CCN4: variants seen among roughly 807,000 people sequenced by gnomAD.
CCN4 encodes the protein CCN family member 4.
A neutral mutation model predicts 36.7 loss-of-function variants in CCN4; 30 were observed. The ratio of observed to expected loss-of-function variants is 0.82; its 90% CI spans 0.61 to 1.11. The LOEUF (loss-of-function observed/expected upper bound fraction) is 1.11, where lower values mean the gene tolerates loss of function less well. CCN4 is among the 50% of genes least tolerant of loss of function. The probability of loss-of-function intolerance (pLI) is 0.00; values close to 1 mark genes in which losing one functional copy is unlikely to be tolerated. For synonymous variants in CCN4, 191 were observed against 195.4 expected, an observed-to-expected ratio of 0.98 and a Z score of 0.19; for missense variants, 505 against 504.9, an observed-to-expected ratio of 1.00 and a Z score of 0.00.
intron 3 of CCN4, among the ~76,000 whole-genome samples, chr8:133,222,387 C>T (rs1854569095): frequency 6.6e-6 from 1 of 152,140 alleles, no homozygotes; most frequent in African/African-American, 2.4e-5. Flanking sequence ...CAAGGGAGAT[C>T]TACTCTGTTT....
At chr8:133,208,987 G>A (rs1238264100) in intron 1 of CCN4, among the ~76,000 whole-genome samples, 1 of 152,188 alleles carries the variant, frequency 6.6e-6, no homozygotes, top group Non-Finnish European at 1.5e-5. Flanking sequence ...TGTGTCTGTT[G>A]GCCTCACTAG....
At chr8:133,192,147 C>A (rs547224971) in intron 1 of CCN4, among the ~76,000 whole-genome samples, 1 of 152,168 alleles carries the variant, frequency 6.6e-6, no homozygotes, top group East Asian at 1.9e-4. Flanking sequence ...GGGGTGATGG[C>A]AAAAGAGTGT....
At chr8:133,220,500 C>T in intron 2 of CCN4, 81 bp from the exon 3 acceptor site, 1 of 1,557,790 alleles carries the variant, frequency 6.4e-7, no homozygotes, top group Non-Finnish European at 8.7e-7. Flanking sequence ...GGGCATGGTC[C>T]ACATGGAGCC....
chr8:133,206,632 G>C (rs1400784028), intron 1 of CCN4, among the ~76,000 whole-genome samples: 1 of 152,164 alleles, frequency 6.6e-6, no homozygotes, highest in South Asian at 2.1e-4. Context: ...GAGACAGAGA[G>C]AGAGACCCTA....
At position 133,225,420 on chromosome 8, in the gene CCN4, G is replaced by T; in HGVS notation, c.641G>T (p.Arg214Met). ...GTGGGTGAGGTGGAGGCATGGCACA[G>T]GAACTGCATAGCCTACACAAGCCCC... is the stretch of plus-strand genomic sequence containing the variant. ...DAVGEVEAWH[R>M]NCIAYTSPWS... Residue 214 changes from arginine to methionine, a missense_variant, in exon 4 of 5, where the codon AGG becomes ATG. By Grantham distance (91) the Arg-to-Met change is moderately conservative (BLOSUM62 -1). Coordinates refer to ENST00000250160, the MANE Select transcript of CCN4 (RefSeq NM_003882.4). 1 of 1,610,712 alleles carries T rather than the reference G, an allele frequency of 6.2e-7. No individual in the cohort carries two copies. The highest frequency in any genetic ancestry group is 8.5e-7 in the Non-Finnish European group (1 of 1,178,012).
chr8:133,211,375 G>A (rs1158929796), intron 1 of CCN4, among the ~76,000 whole-genome samples: 1 of 152,228 alleles, frequency 6.6e-6, no homozygotes, highest in Non-Finnish European at 1.5e-5. Context: ...GAGAGACTAT[G>A]AGCTAACTCT....
At chr8:133,212,621 C>A (rs13254146) in intron 1 of CCN4, among the ~76,000 whole-genome samples, 24,978 of 152,108 alleles carry the variant, frequency 0.16, 3,281 homozygotes, top group African/African-American at 0.34. Flanking sequence ...GGAATTTGGG[C>A]CCCACCGCTG....
At chr8:133,197,679 C>A (rs1853438411) in intron 1 of CCN4, among the ~76,000 whole-genome samples, 1 of 152,172 alleles carries the variant, frequency 6.6e-6, no homozygotes, top group African/African-American at 2.4e-5. Flanking sequence ...AGCCCGCCCA[C>A]CCCACCGTCT....
intron 2 of CCN4, 53 bp downstream of exon 2, chr8:133,213,196 G>C (rs1029703800): frequency 3.2e-6 from 5 of 1,554,106 alleles, no homozygotes; most frequent in Middle Eastern, 1.7e-4. Context: ...CCCAGCTCTG[G>C]CCCCAAACCC....
At chr8:133,197,052 G>A (rs1248735095) in intron 1 of CCN4, among the ~76,000 whole-genome samples, 1 of 152,088 alleles carries the variant, frequency 6.6e-6, no homozygotes, top group Admixed American at 6.5e-5. Context: ...ACACTTTTGG[G>A]TTATTGTGTA....
In CCN4 at chr8:133,191,129, C is replaced by T; in HGVS notation, c.-16C>T. On this transcript the variant is annotated 5_prime_UTR_variant, in exon 1 of 5. Transcript: ENST00000250160. The stretch of plus-strand genomic sequence containing the variant: ...CTGGGCTGCTCGGTCGATGCCTGTG[C>T]CACTGACGTCCAGGCATGAGGTGGT... 6.2e-7 allele frequency: 1 copy of T among 1,605,450 alleles called. No individual in the cohort carries two copies. The highest frequency in any genetic ancestry group is 8.5e-7 in the Non-Finnish European group (1 of 1,179,786).
chr8:133,201,932 AT>A (rs1794125349), intron 1 of CCN4, among the ~76,000 whole-genome samples: 1 of 152,234 alleles, frequency 6.6e-6, no homozygotes, highest in Admixed American at 6.5e-5. Flanking sequence ...GTTGATAATT[AT>A]CAAAGCTGCC....
chr8:133,204,465 G>T (rs760038084), intron 1 of CCN4, among the ~76,000 whole-genome samples: 6 of 152,068 alleles, frequency 3.9e-5, no homozygotes, highest in Non-Finnish European at 8.8e-5. Flanking sequence ...CTAAGGCAGT[G>T]GTTCCTATTT....
chr8:133,215,066 C>G (rs1431715959), intron 2 of CCN4, among the ~76,000 whole-genome samples: 1 of 152,218 alleles, frequency 6.6e-6, no homozygotes, highest in Non-Finnish European at 1.5e-5. Flanking sequence ...CTTCTCCCAT[C>G]TTTCTAATTT....
intron 1 of CCN4, among the ~76,000 whole-genome samples, chr8:133,212,021 G>A (rs533393499): frequency 5.3e-5 from 8 of 152,326 alleles, no homozygotes; most frequent in Admixed American, 5.2e-4. Context: ...GCAGCTCTTA[G>A]GGCCTTGGTT....
At position 133,230,226 on chromosome 8, in the gene CCN4, A is replaced by G. The variant is rs1854906301; in HGVS notation, c.*2516A>G. 6.6e-6 allele frequency: 1 copy of G among 152,272 alleles called. No individual in the cohort carries two copies. The highest frequency in any genetic ancestry group is 2.1e-4 in the South Asian group (1 of 4,832). 9.4% of individuals were successfully genotyped at this position (152,272 alleles called of 1,614,324 possible). A position where few individuals can be genotyped will look rare whatever the true frequency, so the allele number is the denominator to read the frequency against. On this transcript the variant is annotated 3_prime_UTR_variant, in exon 5 of 5. Transcript: ENST00000250160. ...GGCAAGTCTCAGACCCATGGGTTGA[A>G]GCCATGGAGAAGGAAATTTGGATCC...
chr8:133,200,576 C>T (rs1853554735), intron 1 of CCN4, among the ~76,000 whole-genome samples: 1 of 152,216 alleles, frequency 6.6e-6, no homozygotes, highest in Non-Finnish European at 1.5e-5. Context: ...GGACAGTGGG[C>T]AAGAACAAGG....
At chr8:133,197,970 A>T (rs13281186) in intron 1 of CCN4, among the ~76,000 whole-genome samples, 1 of 152,090 alleles carries the variant, frequency 6.6e-6, no homozygotes, top group Non-Finnish European at 1.5e-5. Flanking sequence ...CCCTCAGAGC[A>T]GAACAGCAGA....
intron 3 of CCN4, among the ~76,000 whole-genome samples, chr8:133,223,575 CCT>C (rs1360707766): frequency 6.6e-6 from 1 of 151,552 alleles, no homozygotes; most frequent in Non-Finnish European, 1.5e-5. Flanking sequence ...TATCTTTTTG[CCT>C]CTCTTTCCCT....
Sources: allele counts gnomAD v4.1 joint callset (sites outside exome capture counted in the v4.1 genomes callset), GRCh38; gene constraint gnomAD v4.1.1; transcripts MANE v1.5; gene names NCBI Gene and HGNC (gene_info 2026-07-23, HGNC 2026-07-21).